BANP: variants seen among roughly 807,000 people sequenced by gnomAD.
BANP encodes the protein protein BANP.
Under a neutral mutation model 68.1 loss-of-function variants are expected in BANP, and 11 were observed. The ratio of observed to expected loss-of-function variants is 0.16; its 90% CI spans 0.10 to 0.27. BANP has a LOEUF of 0.27. Ranked by LOEUF, BANP falls within the 10% of genes least tolerant of loss-of-function variation. The pLI is 1.00. For synonymous variants in BANP, 329 were observed against 303.2 expected (o/e 1.09, Z -0.88); for missense variants, 504 against 722.7 (o/e 0.70, Z 3.47).
At chr16:88,035,219 G>A in intron 9 of BANP, 104 bp from the exon 10 acceptor site, 1 of 1,082,080 alleles carries the variant, frequency 9.2e-7, no homozygotes, top group Admixed American at 2.1e-5. Context: ...TTATCTTTTT[G>A]AATTGTAAAC....
intron 12 of BANP, among the ~76,000 whole-genome samples, chr16:88,067,004 T>G (rs901946129): frequency 2.0e-5 from 3 of 152,192 alleles, no homozygotes; most frequent in African/African-American, 7.2e-5. Context: ...ACCAGGCAAA[T>G]TATTTTATTA....
chr16:88,033,094 C>G lies in BANP; in HGVS notation c.1064-15C>G, dbSNP rs774961752. The G allele has an allele frequency of 7.5e-6, 12 of 1,590,986 alleles. No homozygotes were observed. Among genetic ancestry groups the G allele is most frequent in the Non-Finnish European group, 1.0e-5 (12 of 1,163,980 alleles). On this transcript the variant is annotated splice_polypyrimidine_tract_variant and intron_variant, in intron 8 of 13. Coordinates refer to ENST00000682872, the MANE Select transcript of BANP (RefSeq NM_001386991.1). The stretch of plus-strand genomic sequence containing the variant: ...AACTTCTCGTTCACCCCGTTCACAC[C>G]TGTTGCCCCCACAGAGCCGATGATG...
chr16:87,981,106 T>C lies in BANP; in HGVS notation c.141T>C (p.Asn47=), dbSNP rs753769531. The part of the protein sequence containing the change: ...PALKRQRLEI[N]CQDPSIKSFL... ...TGAAACGCCAGCGACTAGAAATCAATTGCCAGGATCCATCTATAAAGGTAA... is the reference window on the plus strand; with the variant it reads ...TGAAACGCCAGCGACTAGAAATCAACTGCCAGGATCCATCTATAAAGGTAA... Residue 47 remains asparagine, a synonymous_variant, in exon 3 of 14, where the codon AAT becomes AAC. Coordinates refer to ENST00000682872, the MANE Select transcript of BANP (RefSeq NM_001386991.1). 5 of 1,613,908 alleles carry C rather than the reference T, an allele frequency of 3.1e-6. No individual in the cohort carries two copies. The highest frequency in any genetic ancestry group is 3.4e-6 in the Non-Finnish European group (4 of 1,179,920).
intron 13 of BANP, among the ~76,000 whole-genome samples, chr16:88,073,672 C>T (rs2090950254): frequency 6.6e-6 from 1 of 152,158 alleles, no homozygotes; most frequent in African/African-American, 2.4e-5. Flanking sequence ...GCCGAGGACG[C>T]GTGGCAGCCC....
chr16:88,014,057 G>A (rs952024290), intron 6 of BANP, among the ~76,000 whole-genome samples: 1 of 152,224 alleles, frequency 6.6e-6, no homozygotes, highest in Admixed American at 6.5e-5. Context: ...TTCCTGGGAG[G>A]ACAGGCCAGG....
intron 2 of BANP, among the ~76,000 whole-genome samples, chr16:87,979,119 CAG>C (rs1329592912): frequency 6.6e-6 from 1 of 152,092 alleles, no homozygotes. Flanking sequence ...CTTTAAGTTT[CAG>C]AGTTTTGAGA....
chr16:88,011,421 C>G (rs891435044), intron 6 of BANP, among the ~76,000 whole-genome samples: 1 of 152,200 alleles, frequency 6.6e-6, no homozygotes, highest in Non-Finnish European at 1.5e-5. Context: ...GACTCAGGTT[C>G]TCTGCGTGAC....
At chr16:87,956,452 A>T (rs951368083) in intron 1 of BANP, 1 of 152,300 alleles carries the variant, frequency 6.6e-6, no homozygotes, top group African/African-American at 2.4e-5. Flanking sequence ...GCTCTGAACC[A>T]TCCGGAACTT....
chr16:87,971,758 C>T (rs1200966042), intron 1 of BANP, among the ~76,000 whole-genome samples: 1 of 151,848 alleles, frequency 6.6e-6, no homozygotes, highest in African/African-American at 2.4e-5. Context: ...GGAGAGCTTT[C>T]TTGAATTACA....
intron 11 of BANP, among the ~76,000 whole-genome samples, chr16:88,047,806 A>C (rs562082604): frequency 6.6e-6 from 1 of 152,200 alleles, no homozygotes; most frequent in Non-Finnish European, 1.5e-5. Context: ...ACTCCTTCCT[A>C]TGTTTGGTGT....
At chr16:88,029,664 G>A (rs1375295586) in intron 8 of BANP, among the ~76,000 whole-genome samples, 1 of 151,734 alleles carries the variant, frequency 6.6e-6, no homozygotes, top group Non-Finnish European at 1.5e-5. Flanking sequence ...CACACTAGCA[G>A]GAACCAGATT....
chr16:87,962,260 A>AAAAAAAAAAAC (rs2059325019), intron 1 of BANP, among the ~76,000 whole-genome samples: 1 of 149,764 alleles, frequency 6.7e-6, no homozygotes, highest in Non-Finnish European at 1.5e-5. Context: ...AAAAAAAGAA[A>AAAAAAAAAAAC]GCACATTTTT....
chr16:88,017,366 G>A (rs1382673447), intron 6 of BANP: 1 of 152,414 alleles, frequency 6.6e-6, no homozygotes, highest in Non-Finnish European at 1.5e-5. Flanking sequence ...TTCAACTTCA[G>A]GGTCAGAAGA....
At chr16:87,996,079 G>A (rs11640494) in intron 4 of BANP, among the ~76,000 whole-genome samples, 44,246 of 152,176 alleles carry the variant, frequency 0.29, 8,158 homozygotes, top group Non-Finnish European at 0.43. Flanking sequence ...TTGAGGGTTA[G>A]GCGGAGAACA....
chr16:88,070,280 T>G (rs984066441), intron 12 of BANP, among the ~76,000 whole-genome samples: 2 of 152,044 alleles, frequency 1.3e-5, no homozygotes, highest in African/African-American at 4.8e-5. Flanking sequence ...ACCCTTGTGG[T>G]GTTCAAGGGC....
At chr16:88,044,752 G>A (rs2152799721) in intron 11 of BANP, among the ~76,000 whole-genome samples, 1 of 152,338 alleles carries the variant, frequency 6.6e-6, no homozygotes, top group South Asian at 2.1e-4. Flanking sequence ...GGGAGGCCGA[G>A]GCAGGTGGAT....
At chr16:88,026,450 G>A (rs939529569) in intron 7 of BANP, among the ~76,000 whole-genome samples, 6 of 152,242 alleles carry the variant, frequency 3.9e-5, no homozygotes, top group African/African-American at 1.4e-4. Context: ...CTGTGCGCCA[G>A]AATGTTCTGG....
intron 11 of BANP, among the ~76,000 whole-genome samples, chr16:88,054,627 G>T (rs1330871434): frequency 6.6e-6 from 1 of 151,892 alleles, no homozygotes; most frequent in African/African-American, 2.4e-5. Context: ...GGGGTCAAGT[G>T]AATTTCCTGA....
At chr16:88,067,460 A>G (rs971525011) in intron 12 of BANP, among the ~76,000 whole-genome samples, 4 of 151,974 alleles carry the variant, frequency 2.6e-5, no homozygotes, top group Non-Finnish European at 4.4e-5. Context: ...CCGCCCTGAG[A>G]CGGGACCCAG....
Sources: allele counts gnomAD v4.1 joint callset (sites outside exome capture counted in the v4.1 genomes callset), GRCh38; gene constraint gnomAD v4.1.1; transcripts MANE v1.5; gene names NCBI Gene and HGNC (gene_info 2026-07-23, HGNC 2026-07-21).